CNNM4: variants seen among roughly 807,000 people sequenced by gnomAD.
The protein encoded by CNNM4 is metal transporter CNNM4.
CNNM4 carries 32 observed loss-of-function variants against 53.7 expected under a neutral mutation model. The ratio of observed to expected loss-of-function variants is 0.60; its 90% CI spans 0.45 to 0.80. The LOEUF (loss-of-function observed/expected upper bound fraction) is 0.80. Ranked by LOEUF, CNNM4 falls within the 30% of genes least tolerant of loss-of-function variation. CNNM4 has a pLI of 0.00. For missense variants in CNNM4, 784 were observed against 1,022.0 expected (o/e 0.77, Z 3.17); for synonymous variants, 410 against 440.0 (o/e 0.93, Z 0.85).
At chr2:96,768,381 C>T (rs1012653275) in intron 1 of CNNM4, among the ~76,000 whole-genome samples, 3 of 152,180 alleles carry the variant, frequency 2.0e-5, no homozygotes, top group African/African-American at 7.2e-5. Flanking sequence ...CTGCCCTGTT[C>T]ACAGAACTCA....
At chr2:96,803,658 G>A (rs1281119020) in intron 5 of CNNM4, among the ~76,000 whole-genome samples, 2 of 151,788 alleles carry the variant, frequency 1.3e-5, no homozygotes, top group Admixed American at 1.3e-4. Flanking sequence ...CCCAGGAGGC[G>A]GAGGTTGCAG....
chr2:96,781,115 A>G (rs1216976998), intron 1 of CNNM4, among the ~76,000 whole-genome samples: 1 of 149,788 alleles, frequency 6.7e-6, no homozygotes, highest in Non-Finnish European at 1.5e-5. Flanking sequence ...AGTAGCTGGG[A>G]CTACAGGCAC....
chr2:96,797,420 G>A lies in CNNM4; in HGVS notation c.1547-93G>A. On this transcript the variant is annotated intron_variant, in intron 2 of 6. Coordinates refer to ENST00000377075, the MANE Select transcript of CNNM4 (RefSeq NM_020184.4). This position sits in a 1 kb window ranked among gnomAD's most constrained non-coding sequence, Gnocchi z 6.0. ...AGCCTGCTGCTCCTGCGTGGGACTAGGGGCTGGAGAGCAGGAGCTGCGGGG... is the reference window on the plus strand; with the variant it reads ...AGCCTGCTGCTCCTGCGTGGGACTAAGGGCTGGAGAGCAGGAGCTGCGGGG... The A allele has an allele frequency of 1.3e-6, 2 of 1,557,772 alleles. No homozygotes were observed. The highest frequency in any genetic ancestry group is 2.2e-5 in the East Asian group (1 of 44,628).
intron 5 of CNNM4, among the ~76,000 whole-genome samples, chr2:96,804,642 C>T (rs976301034): frequency 3.4e-4 from 51 of 151,904 alleles, no homozygotes; most frequent in African/African-American, 1.2e-3. Flanking sequence ...ACCTCGTGAT[C>T]CACCCGCCTC....
intron 1 of CNNM4, among the ~76,000 whole-genome samples, chr2:96,790,928 T>G (rs1473994552): frequency 6.6e-6 from 1 of 151,350 alleles, no homozygotes; most frequent in African/African-American, 2.4e-5. Context: ...GAGACCAGCC[T>G]GGCCAGTATG....
intron 1 of CNNM4, among the ~76,000 whole-genome samples, chr2:96,782,304 T>A (rs1231312582): frequency 6.6e-6 from 1 of 151,656 alleles, no homozygotes; most frequent in Admixed American, 6.6e-5. Context: ...CCCAGCTACT[T>A]GGGAGGCTGA....
At chr2:96,799,720 A>G in intron 5 of CNNM4, 72 bp downstream of exon 5, 1 of 1,255,794 alleles carries the variant, frequency 8.0e-7, no homozygotes, top group South Asian at 1.3e-5. Flanking sequence ...CCGACACCAG[A>G]ACTGAGCATG....
chr2:96,780,195 T>C (rs1340771781), intron 1 of CNNM4, among the ~76,000 whole-genome samples: 1 of 152,198 alleles, frequency 6.6e-6, no homozygotes, highest in Non-Finnish European at 1.5e-5. Context: ...TATTTTTGTG[T>C]GGAAATCTTA....
intron 1 of CNNM4, among the ~76,000 whole-genome samples, chr2:96,774,701 C>A (rs542375135): frequency 6.6e-6 from 1 of 152,120 alleles, no homozygotes; most frequent in South Asian, 2.1e-4. Flanking sequence ...CAGTGGCTCA[C>A]GCCTGTAATC....
chr2:96,778,267 A>C (rs1357314716), intron 1 of CNNM4, among the ~76,000 whole-genome samples: 1 of 151,374 alleles, frequency 6.6e-6, no homozygotes, highest in Non-Finnish European at 1.5e-5. Flanking sequence ...TTAAAAATTT[A>C]TTCCTAGGGG....
At chr2:96,776,584 A>G (rs566378262) in intron 1 of CNNM4, among the ~76,000 whole-genome samples, 13 of 152,182 alleles carry the variant, frequency 8.5e-5, no homozygotes, top group African/African-American at 3.1e-4. Flanking sequence ...CTAAGTGTAT[A>G]TTTGTACCCA....
chr2:96,777,767 G>T (rs2078939231), intron 1 of CNNM4, among the ~76,000 whole-genome samples: 1 of 152,130 alleles, frequency 6.6e-6, no homozygotes, highest in African/African-American at 2.4e-5. Flanking sequence ...CTCCCAAAGT[G>T]CTGGGATTAC....
intron 5 of CNNM4, among the ~76,000 whole-genome samples, chr2:96,804,517 T>A (rs1454258745): frequency 1.3e-5 from 2 of 152,050 alleles, no homozygotes. Context: ...CTTTCCTGCC[T>A]CAGCCTCCTG....
chr2:96,805,437 T>A (rs9678370), intron 5 of CNNM4, among the ~76,000 whole-genome samples: 5,368 of 141,982 alleles, frequency 0.038, 290 homozygotes, highest in African/African-American at 0.14. Flanking sequence ...TTTTTTTTTT[T>A]TTATTATTTT....
In CNNM4 at chr2:96,760,943, G is replaced by A; in HGVS notation, c.-57G>A. The A allele has an allele frequency of 1.1e-6, 1 of 934,546 alleles. No individual in the cohort carries two copies. Among genetic ancestry groups the A allele is most frequent in the Non-Finnish European group, 1.3e-6 (1 of 783,342 alleles). 57.9% of individuals were successfully genotyped at this position (934,546 alleles called of 1,614,324 possible). On this transcript the variant is annotated 5_prime_UTR_variant, in exon 1 of 7. Transcript: ENST00000377075. ...GCGGAGCGGCCGGAGCTGCGGTGCGGACCGGGGCCGCGCGGCGTGGCGCGG... is the reference window on the plus strand; with the variant it reads ...GCGGAGCGGCCGGAGCTGCGGTGCGAACCGGGGCCGCGCGGCGTGGCGCGG...
rs1009876088 is a variant in CNNM4, at chr2:96,800,421, C to A, written c.1948+773C>A. On this transcript the variant is annotated intron_variant, in intron 5 of 6. Transcript: ENST00000377075. The surrounding 1 kb of genome is among the most constrained non-coding windows in gnomAD (Gnocchi z 4.6). ...GGCCACGCCAGTGGGGTACGAGCTG[C>A]AGCTCCCAGAGAACCTCTGTGCTGT... 1.3e-5 allele frequency among the ~76,000 whole-genome samples: 2 copies of A among 152,228 alleles called. No individual in the cohort carries two copies. The highest frequency in any genetic ancestry group is 2.9e-5 in the Non-Finnish European group (2 of 68,028).
intron 5 of CNNM4, among the ~76,000 whole-genome samples, chr2:96,802,776 G>T (rs1426488961): frequency 2.6e-5 from 4 of 152,228 alleles, no homozygotes; most frequent in Non-Finnish European, 5.9e-5. Context: ...AGTGCCATAT[G>T]CTGCTTCTGG....
At chr2:96,763,590 G>A (rs1334013002) in intron 1 of CNNM4, among the ~76,000 whole-genome samples, 2 of 152,150 alleles carry the variant, frequency 1.3e-5, no homozygotes, top group African/African-American at 2.4e-5. Flanking sequence ...GAGGGACTTC[G>A]GAATCCTAGC....
At chr2:96,785,129 C>CA (rs2079005650) in intron 1 of CNNM4, among the ~76,000 whole-genome samples, 1 of 152,096 alleles carries the variant, frequency 6.6e-6, no homozygotes, top group South Asian at 2.1e-4. Flanking sequence ...CCTCCTGCCT[C>CA]AGCCTCCCAA....
Sources: allele counts gnomAD v4.1 joint callset (sites outside exome capture counted in the v4.1 genomes callset), GRCh38; gene constraint gnomAD v4.1.1; non-coding constraint Gnocchi (gnomAD v3.1); transcripts MANE v1.5; gene names NCBI Gene and HGNC (gene_info 2026-07-23, HGNC 2026-07-21).